TH: variants seen among roughly 807,000 people sequenced by gnomAD.
The protein encoded by TH is tyrosine hydroxylase, also known as tyrosine 3-monooxygenase.
A neutral mutation model predicts 57.4 loss-of-function variants in TH; 49 were observed. The observed-to-expected ratio is 0.85, with a 90% confidence interval of 0.68 to 1.08. The LOEUF is 1.08. TH is among the 50% of genes least tolerant of loss of function. The probability of loss-of-function intolerance (pLI) is 0.00; values close to 1 mark genes in which losing one functional copy is unlikely to be tolerated. For missense variants in TH, 720 were observed against 696.7 expected, an observed-to-expected ratio of 1.03 and a Z score of -0.38; for synonymous variants, 330 against 304.5, an observed-to-expected ratio of 1.08 and a Z score of -0.87.
intron 5 of TH, 22 bp downstream of exon 5, chr11:2,167,843 TC>T: frequency 6.3e-7 from 1 of 1,584,320 alleles, no homozygotes; most frequent in South Asian, 1.1e-5. Context: ...GGAGTCTGGG[TC>T]CCGAGCGCAG....
At chr11:2,166,373 C>G in intron 9 of TH, 107 bp downstream of exon 9, 1 of 1,401,100 alleles carries the variant, frequency 7.1e-7, no homozygotes, top group East Asian at 2.5e-5. Context: ...TTGGCGGGGC[C>G]CGGGAGCAGG....
rs747783772 is a variant in TH, at chr11:2,167,014, C to G, written c.714G>C (p.Thr238=). 1.9e-6 allele frequency: 3 copies of G among 1,585,368 alleles called. No individual in the cohort carries two copies. Among genetic ancestry groups the G allele is most frequent in the Non-Finnish European group, 8.6e-7 (1 of 1,165,994 alleles). ...EIATWKEVYT[T]LKGLYATHAC... is the part of the protein sequence containing the mutation. ...CGTGCGTGGCGTAGAGGCCCTTCAG[C>G]GTGGTGTAGACCTCCTTCCTGCGGG... Residue 238 remains threonine (T), a synonymous_variant, in exon 7 of 13, where the codon ACG becomes ACC. Coordinates refer to ENST00000352909, the MANE Select transcript of TH (RefSeq NM_000360.4).
At chr11:2,167,992 C>T (rs758627645) in intron 4 of TH, 59 bp from the exon 5 acceptor site, 248 of 1,609,432 alleles carry the variant, frequency 1.5e-4, no homozygotes, top group Middle Eastern at 3.3e-4. Flanking sequence ...GCACAGGCCA[C>T]GGAGGCTCCT....
At position 2,171,398 on chromosome 11, in the gene TH, C is replaced by T. The variant is rs376148687; in HGVS notation, c.90+299G>A. Among the ~76,000 whole-genome samples the T allele has an allele frequency of 2.1e-4, 32 of 151,882 alleles. No homozygotes were observed. Among genetic ancestry groups the T allele is most frequent in the African/African-American group, 7.0e-4 (29 of 41,402 alleles). ...TTTGGATGGATTTGTTTCCACATTC[C>T]GATCGTTAAGATTCAAGATGAAACA... is the stretch of plus-strand genomic sequence containing the variant. On this transcript the variant is annotated intron_variant, in intron 1 of 12. Coordinates refer to ENST00000352909, the MANE Select transcript of TH (RefSeq NM_000360.4). This position sits in a 1 kb window ranked among gnomAD's most constrained non-coding sequence, Gnocchi z 8.6.
rs201093528 is a variant in TH at position 2,168,613 on chromosome 11, C to T, written c.365G>A (p.Arg122Gln). The T allele has an allele frequency of 2.0e-5, 32 of 1,611,804 alleles. No homozygotes were observed. In the East Asian group the frequency reaches 2.9e-4, roughly 15 times the overall value. Residue 122 changes from arginine (R) to glutamine (Q), a missense_variant, in exon 3 of 13, where the codon CGA (arginine) becomes CAA (glutamine). By Grantham distance (43) the Arg-to-Gln change is conservative. Coordinates refer to ENST00000352909, the MANE Select transcript of TH (RefSeq NM_000360.4). The stretch of plus-strand genomic sequence containing the variant: ...GTACTCCAGGTGGGGGCCCCCAGCT[C>T]GCGGCCTCTGGGCGGGCCGGGTCTC... ...HLETRPAQRP[R>Q]AGGPHLEYFV...
chr11:2,166,647 C>T lies in TH; in HGVS notation c.963G>A (p.Met321Ile). The change falls in exon 8 of 13, where the codon ATG (methionine) becomes ATA (isoleucine). Residue 321 changes from methionine (M) to isoleucine (I), a missense_variant. Transcript: ENST00000352909. ...CGCGCACTCACGGCTCAGGGGAGTG[C>T]ATGGGCGAGGACGCGTGGCGGATAT... ...TQYIRHASSP[M>I]HSPEPDCCHE... The T allele has an allele frequency of 6.3e-7, 1 of 1,578,418 alleles. No individual in the cohort carries two copies. The highest frequency in any genetic ancestry group is 8.6e-7 in the Non-Finnish European group (1 of 1,163,254).
chr11:2,167,077 G>A (rs1409516010), intron 6 of TH, 45 bp from the exon 7 acceptor site: 4 of 1,552,450 alleles, frequency 2.6e-6, no homozygotes, highest in Non-Finnish European at 2.6e-6. Flanking sequence ...CCACCCCAGT[G>A]CCCGAAACCC....
At chr11:2,167,334 T>G in intron 6 of TH, 101 bp downstream of exon 6, 1 of 1,367,300 alleles carries the variant, frequency 7.3e-7, no homozygotes, top group African/African-American at 1.4e-5. Context: ...CCTTAGTCTC[T>G]CCTGTTGTGC....
intron 3 of TH, 138 bp from the exon 4 acceptor site, chr11:2,168,317 G>T: frequency 7.4e-7 from 1 of 1,348,238 alleles, no homozygotes; most frequent in Non-Finnish European, 1.0e-6. Flanking sequence ...GGGGATCCTG[G>T]AGTGGCCCCA....
Position 2,170,045 on chromosome 11 carries a change from C to T in TH, c.91-174G>A, listed in dbSNP as rs1564920676. Among the ~76,000 whole-genome samples the T allele has an allele frequency of 1.3e-5, 2 of 152,182 alleles. No homozygotes were observed. Among genetic ancestry groups the T allele is most frequent in the African/African-American group, 4.8e-5 (2 of 41,442 alleles). ...GGGCAGATGCTAGCCGAGGTGCCTG[C>T]GGGCATTGCACGCCCTTCCCGATGG... On this transcript the variant is annotated intron_variant, in intron 1 of 12. Transcript: ENST00000352909. The surrounding 1 kb of genome is among the most constrained non-coding windows in gnomAD (Gnocchi z 6.0).
In TH at chr11:2,170,294, G is replaced by A. The variant is rs1846219494; in HGVS notation, c.91-423C>T. Among the ~76,000 whole-genome samples the A allele has an allele frequency of 1.3e-5, 2 of 152,250 alleles. No individual in the cohort carries two copies. The highest frequency in any genetic ancestry group is 2.9e-5 in the Non-Finnish European group (2 of 67,994). On this transcript the variant is annotated intron_variant, in intron 1 of 12. Transcript: ENST00000352909. This position sits in a 1 kb window ranked among gnomAD's most constrained non-coding sequence, Gnocchi z 6.0. ...AGCTCAGGAAGGAGCTGCCCCCACAGGGCCCCAGTGAACAACCCCCCTACC... is the reference window on the plus strand; with the variant it reads ...AGCTCAGGAAGGAGCTGCCCCCACAAGGCCCCAGTGAACAACCCCCCTACC...
rs374465917 is a variant in TH, at chr11:2,165,248, C to A, written c.1318G>T (p.Ala440Ser). 9.5e-5 allele frequency: 154 copies of A among 1,612,886 alleles called. No individual in the cohort carries two copies. Among genetic ancestry groups the A allele is most frequent in the Middle Eastern group, 5.0e-4 (3 of 6,060 alleles). ...VYFVSESFSD[A>S]KDKLRSYASR... is the part of the protein sequence containing the mutation. Reference sequence around the variant, plus strand: ...CTAGCCCACCTGAGCTTGTCCTTGGCGTCACTGAAGCTCTCAGACACGAAG... The same window carrying A: ...CTAGCCCACCTGAGCTTGTCCTTGGAGTCACTGAAGCTCTCAGACACGAAG... The change falls in exon 12 of 13, where the codon GCC (alanine) becomes TCC (serine). Residue 440 changes from alanine to serine, a missense_variant. Ala to Ser is a moderately conservative substitution (Grantham distance 99, BLOSUM62 1). Coordinates refer to ENST00000352909, the MANE Select transcript of TH (RefSeq NM_000360.4).
At chr11:2,169,580 C>G (rs749465768) in intron 2 of TH, 70 bp downstream of exon 2, 5 of 1,503,748 alleles carry the variant, frequency 3.3e-6, no homozygotes, top group Non-Finnish European at 4.6e-6. Flanking sequence ...ATAGAGGGGT[C>G]AGGAACTCAG....
In TH at chr11:2,165,258, G is replaced by T; in HGVS notation, c.1308C>A (p.Ser436Arg). ...TYQSVYFVSE[S>R]FSDAKDKLRS... ...TGAGCTTGTCCTTGGCGTCACTGAA[G>T]CTCTCAGACACGAAGTAGACTGACT... Residue 436 changes from serine (S) to arginine (R), a missense_variant, in exon 12 of 13, where the codon AGC becomes AGA. Coordinates refer to ENST00000352909, the MANE Select transcript of TH (RefSeq NM_000360.4). The T allele has an allele frequency of 2.5e-6, 4 of 1,612,930 alleles. No homozygotes were observed. The highest frequency in any genetic ancestry group is 2.5e-6 in the Non-Finnish European group (3 of 1,179,996).
At chr11:2,169,118 C>T (rs138077983) in intron 2 of TH, among the ~76,000 whole-genome samples, 12 of 152,300 alleles carry the variant, frequency 7.9e-5, no homozygotes, top group Non-Finnish European at 1.6e-4. Context: ...TGCCTAGCAA[C>T]AAGGGCGGTG....
In TH at chr11:2,170,143, CTG is replaced by C. The variant is rs796418018; in HGVS notation, c.91-274_91-273del. ...GGAAGGTGCTCGCCTGCTCCCCACT[CTG>C]TGGCGAGCAGACAGACAGAGACGCT... On this transcript the variant is annotated intron_variant, in intron 1 of 12. Transcript: ENST00000352909. This position sits in a 1 kb window ranked among gnomAD's most constrained non-coding sequence, Gnocchi z 6.0. 1.1e-4 allele frequency among the ~76,000 whole-genome samples: 17 copies of C among 152,276 alleles called. No individual in the cohort carries two copies. Among genetic ancestry groups the C allele is most frequent in the African/African-American group, 3.9e-4 (16 of 41,552 alleles).
chr11:2,165,552 G>T (rs1846065614), intron 11 of TH, 116 bp downstream of exon 11: 2 of 1,358,184 alleles, frequency 1.5e-6, no homozygotes, highest in South Asian at 2.4e-5. Flanking sequence ...CCCAAACAGA[G>T]CCTGAGTCCT....
At chr11:2,166,571 G>A (rs374542249) in intron 8 of TH, 22 bp from the exon 9 acceptor site, 4 of 1,594,206 alleles carry the variant, frequency 2.5e-6, no homozygotes, top group African/African-American at 1.3e-5. Context: ...AGGGAGAAGG[G>A]GGCTGAGGGG....
In TH at chr11:2,170,591, C is replaced by T; in HGVS notation, c.91-720G>A. 9.2e-7 allele frequency: 1 copy of T among 1,087,474 alleles called. No homozygotes were observed. 67.4% of individuals were successfully genotyped at this position (1,087,474 alleles called of 1,614,324 possible). On this transcript the variant is annotated intron_variant, in intron 1 of 12. Transcript: ENST00000352909. The surrounding 1 kb of genome is among the most constrained non-coding windows in gnomAD (Gnocchi z 6.0). The stretch of plus-strand genomic sequence containing the variant: ...GCTGAACTCCCAAGAAGGCTCTGGG[C>T]CCCTTGTAAGAGAAGAATCAGCTTC...
Sources: gnomAD v4.1 joint callset for allele counts (sites outside exome capture counted in the v4.1 genomes callset) on GRCh38, gnomAD v4.1.1 for gene constraint, Gnocchi (gnomAD v3.1) non-coding constraint, MANE v1.5 for transcripts, NCBI Gene and HGNC (gene_info 2026-07-23, HGNC 2026-07-21) for gene names.